GRIK2: variants seen among roughly 807,000 people sequenced by gnomAD.
GRIK2 encodes glutamate ionotropic receptor kainate type subunit 2.
In GRIK2, 32 loss-of-function variants were observed where a neutral mutation model predicts 100.3. The ratio of observed to expected loss-of-function variants is 0.32; its 90% confidence interval spans 0.24 to 0.43. GRIK2 has a LOEUF of 0.43. Among genes scored for constraint, GRIK2 ranks in the 20% least tolerant of loss-of-function variants. The pLI is 1.00. For missense variants in GRIK2, 843 were observed against 1,114.9 expected, an observed-to-expected ratio of 0.76 and a Z score of 3.47; for synonymous variants, 417 against 389.4, an observed-to-expected ratio of 1.07 and a Z score of -0.83.
At chr6:101,940,078 A>T (rs1790865677) in intron 14 of GRIK2, among the ~76,000 whole-genome samples, 1 of 152,122 alleles carries the variant, frequency 6.6e-6, no homozygotes, top group Non-Finnish European at 1.5e-5. Flanking sequence ...TGAGAAAAAA[A>T]ATAATTAACT....
chr6:102,021,567 AC>A (rs1769424580), intron 14 of GRIK2, among the ~76,000 whole-genome samples: 1 of 151,652 alleles, frequency 6.6e-6, no homozygotes, highest in South Asian at 2.1e-4. Context: ...AAATATTAAA[AC>A]CCATTAATAA....
chr6:101,560,928 T>C lies in GRIK2; in HGVS notation c.116-61021T>C, dbSNP rs145286857. Among the ~76,000 whole-genome samples the C allele has an allele frequency of 7.0e-3, 1,070 of 152,238 alleles. 9 individuals are homozygous for C. Among genetic ancestry groups the C allele is most frequent in the Non-Finnish European group, 0.013 (855 of 67,978 alleles). On this transcript the variant is annotated intron_variant, in intron 2 of 16. Transcript: ENST00000369134. ...GAATATAGACTTGGGAAAATAAATGTAAAAGGCTAATGTCTATGCTAGAGA... is the reference window on the plus strand; with the variant it reads ...GAATATAGACTTGGGAAAATAAATGCAAAAGGCTAATGTCTATGCTAGAGA...
chr6:101,883,679 G>A (rs553688729), intron 11 of GRIK2, among the ~76,000 whole-genome samples: 17 of 152,208 alleles, frequency 1.1e-4, no homozygotes, highest in African/African-American at 3.6e-4. Flanking sequence ...ATCAAAGCAA[G>A]CACATGAATG....
chr6:101,764,284 C>T (rs931481645), intron 7 of GRIK2, among the ~76,000 whole-genome samples: 3 of 152,112 alleles, frequency 2.0e-5, no homozygotes, highest in Non-Finnish European at 2.9e-5. Flanking sequence ...ATGTACCAGA[C>T]GCCTCCACTT....
chr6:101,812,120 A>G (rs1781371074), intron 9 of GRIK2, among the ~76,000 whole-genome samples: 2 of 151,640 alleles, frequency 1.3e-5, no homozygotes, highest in South Asian at 4.1e-4. Flanking sequence ...ATTGAGATAG[A>G]TCTTAAAACA....
At chr6:101,707,465 T>A (rs1211749608) in intron 7 of GRIK2, among the ~76,000 whole-genome samples, 1 of 145,498 alleles carries the variant, frequency 6.9e-6, no homozygotes, top group African/African-American at 2.5e-5. Flanking sequence ...TTATATATAT[T>A]ATATATAATA....
At chr6:101,495,967 A>T (rs775278519) in intron 2 of GRIK2, among the ~76,000 whole-genome samples, 4 of 152,086 alleles carry the variant, frequency 2.6e-5, no homozygotes, top group Non-Finnish European at 4.4e-5. Flanking sequence ...TTATTTTTAG[A>T]TGGAGTCTCA....
intron 11 of GRIK2, among the ~76,000 whole-genome samples, chr6:101,887,218 G>T (rs999267219): frequency 1.3e-5 from 2 of 152,030 alleles, no homozygotes; most frequent in Non-Finnish European, 2.9e-5. Context: ...TGATAACTAT[G>T]TGAGGTAATG....
chr6:101,575,333 A>G lies in GRIK2; in HGVS notation c.116-46616A>G, dbSNP rs188903451. Among the ~76,000 whole-genome samples the G allele has an allele frequency of 1.8e-4, 28 of 152,076 alleles. No homozygotes were observed. In the East Asian group the frequency reaches 5.0e-3, roughly 27 times the overall value. On this transcript the variant is annotated intron_variant, in intron 2 of 16. Coordinates refer to ENST00000369134, the MANE Select transcript of GRIK2 (RefSeq NM_021956.5). Reference sequence around the variant, plus strand: ...TTTTCTAATTTTTTTGTAGCAGACCAAGTTTTTAATTAACATGGGCAGAAA... The same window carrying G: ...TTTTCTAATTTTTTTGTAGCAGACCGAGTTTTTAATTAACATGGGCAGAAA...
intron 7 of GRIK2, among the ~76,000 whole-genome samples, chr6:101,744,273 C>A (rs987634245): frequency 6.6e-6 from 1 of 151,658 alleles, no homozygotes; most frequent in South Asian, 2.1e-4. Flanking sequence ...CCTTGCCAAC[C>A]GCTATCCTTT....
Position 101,622,041 on chromosome 6 carries a change from T to C in GRIK2, c.208T>C (p.Leu70=), listed in dbSNP as rs550351796. 9 of 1,604,178 alleles carry C rather than the reference T, an allele frequency of 5.6e-6. No homozygotes were observed. In the Admixed American group the frequency reaches 6.7e-5, roughly 12 times the overall value. ...AVNTINRNRT[L]LPNTTLTYDT... is the part of the protein sequence containing the mutation. ...GAACACAATTAACAGAAACAGAACA[T>C]TGCTACCCAATACTACCCTTACCTA... Residue 70 remains leucine, a synonymous_variant, in exon 3 of 17, where the codon TTG becomes CTG. Transcript: ENST00000369134.
intron 2 of GRIK2, among the ~76,000 whole-genome samples, chr6:101,425,754 C>T (rs1832414): frequency 0.69 from 105,086 of 152,030 alleles, 36,577 homozygotes; most frequent in East Asian, 0.92. Flanking sequence ...CTAAATTTCT[C>T]TGAGAATTGT....
At chr6:101,785,590 T>C (rs578066504) in intron 7 of GRIK2, among the ~76,000 whole-genome samples, 23 of 152,272 alleles carry the variant, frequency 1.5e-4, no homozygotes, top group Admixed American at 9.2e-4. Context: ...GTTTCCGACG[T>C]ATATTCTTGG....
At chr6:102,049,517 A>T (rs941156356) in intron 15 of GRIK2, among the ~76,000 whole-genome samples, 3 of 152,110 alleles carry the variant, frequency 2.0e-5, no homozygotes, top group African/African-American at 7.2e-5. Flanking sequence ...GTTTTATTTA[A>T]TTTTTTCTGT....
At chr6:101,865,928 T>TA (rs982584264) in intron 11 of GRIK2, among the ~76,000 whole-genome samples, 31 of 146,920 alleles carry the variant, frequency 2.1e-4, no homozygotes, top group Non-Finnish European at 3.8e-4. Flanking sequence ...ATACAAATAA[T>TA]AAAAAAAAAT....
At chr6:101,532,270 T>A (rs115761578) in intron 2 of GRIK2, among the ~76,000 whole-genome samples, 1 of 151,990 alleles carries the variant, frequency 6.6e-6, no homozygotes, top group African/African-American at 2.4e-5. Flanking sequence ...TTCCCATTCA[T>A]CTTTAGAACA....
chr6:101,596,869 A>T (rs1485872281), intron 2 of GRIK2, among the ~76,000 whole-genome samples: 3 of 151,706 alleles, frequency 2.0e-5, no homozygotes, highest in Non-Finnish European at 4.4e-5. Context: ...TACCATTTGA[A>T]TAACCAATCG....
intron 14 of GRIK2, chr6:101,993,184 GAAA>G (rs565722048): frequency 2.7e-5 from 4 of 147,320 alleles, no homozygotes; most frequent in South Asian, 4.2e-4. Context: ...AGCAGAAGAA[GAAA>G]AAAAAAGAAT....
chr6:101,397,930 A>AT (rs936113182), intron 1 of GRIK2, among the ~76,000 whole-genome samples: 1 of 152,036 alleles, frequency 6.6e-6, no homozygotes, highest in Non-Finnish European at 1.5e-5. Context: ...AAAATTGTAT[A>AT]TTTTTAATAA....
Sources: allele counts gnomAD v4.1 joint callset (sites outside exome capture counted in the v4.1 genomes callset), GRCh38; gene constraint gnomAD v4.1.1; transcripts MANE v1.5; gene names NCBI Gene and HGNC (gene_info 2026-07-23, HGNC 2026-07-21).